Variants in TANC2 observed in about 807,000 individuals in gnomAD.
TANC2 encodes protein TANC2.
TANC2 carries 26 observed loss-of-function variants against 210.5 expected under a neutral mutation model. The observed-to-expected ratio is 0.12, with a 90% CI of 0.09 to 0.17. TANC2 has a LOEUF of 0.17. Ranked by LOEUF, TANC2 falls within the 10% of genes least tolerant of loss-of-function variation. The probability of loss-of-function intolerance (pLI) is 1.00; values close to 1 mark genes in which losing one functional copy is unlikely to be tolerated. For missense variants in TANC2, 2,129 were observed against 2,608.9 expected (o/e 0.82, Z 4.01); for synonymous variants, 931 against 967.1 (o/e 0.96, Z 0.69).
intron 4 of TANC2, among the ~76,000 whole-genome samples, chr17:63,127,171 A>T (rs185443065): frequency 6.6e-6 from 1 of 152,340 alleles, no homozygotes; most frequent in Non-Finnish European, 1.5e-5. Flanking sequence ...TTCTTATGGT[A>T]CTAAATGTCT....
chr17:63,388,582 T>C, intron 15 of TANC2, 53 bp from the exon 16 acceptor site: 1 of 1,557,886 alleles, frequency 6.4e-7, no homozygotes, highest in South Asian at 1.2e-5. Context: ...TCACCACTGA[T>C]GCTACTTTTT....
intron 21 of TANC2, among the ~76,000 whole-genome samples, chr17:63,411,024 G>A (rs146948848): frequency 1.7e-4 from 26 of 152,178 alleles, no homozygotes; most frequent in African/African-American, 6.3e-4. Flanking sequence ...CTTCTTAGAG[G>A]CAGGAGGATG....
chr17:63,216,074 G>A (rs190427057), intron 7 of TANC2, among the ~76,000 whole-genome samples: 2 of 149,990 alleles, frequency 1.3e-5, no homozygotes, highest in South Asian at 2.1e-4. Context: ...TTTGAGACAC[G>A]GTCTTGCTCT....
chr17:63,099,650 G>C (rs2037550459), intron 4 of TANC2, among the ~76,000 whole-genome samples: 1 of 152,132 alleles, frequency 6.6e-6, no homozygotes, highest in African/African-American at 2.4e-5. Context: ...CTGTTGTTCT[G>C]ATTTCATTTA....
intron 1 of TANC2, among the ~76,000 whole-genome samples, chr17:62,974,185 T>G (rs1006469860): frequency 6.6e-6 from 1 of 152,250 alleles, no homozygotes; most frequent in Non-Finnish European, 1.5e-5. Context: ...TTGGCCACTT[T>G]GCTTTTGTAA....
At position 62,986,251 on chromosome 17, in the gene TANC2, A is replaced by T. The variant is rs138176101; in HGVS notation, c.-24+19502A>T. Among the ~76,000 whole-genome samples the T allele has an allele frequency of 7.0e-4, 107 of 152,216 alleles. 1 individual carries two copies. The highest frequency in any genetic ancestry group is 7.0e-3 in the Admixed American group (107 of 15,308). ...TCAGGTTGGAGGTCCCTGTGTGCAC[A>T]TAGTGGGTTGGCTAACTTGGGGCTG... On this transcript the variant is annotated intron_variant, in intron 1 of 27. Coordinates refer to ENST00000689528, the Ensembl canonical transcript of TANC2.
At chr17:63,417,008 A>T (rs919942444) in intron 26 of TANC2, among the ~76,000 whole-genome samples, 3 of 152,246 alleles carry the variant, frequency 2.0e-5, no homozygotes, top group African/African-American at 4.8e-5. Context: ...TAGACTTTTT[A>T]AAAATGCCCT....
chr17:63,371,752 T>C (rs2047276054), intron 14 of TANC2, among the ~76,000 whole-genome samples: 1 of 152,248 alleles, frequency 6.6e-6, no homozygotes, highest in South Asian at 2.1e-4. Context: ...ACAACTGTTA[T>C]CCAACTTCCA....
intron 4 of TANC2, chr17:63,120,643 T>A (rs1237152657): frequency 6.6e-6 from 1 of 151,776 alleles, no homozygotes; most frequent in Non-Finnish European, 1.5e-5. Context: ...TGAAACCCTG[T>A]CTTTACAAAA....
rs558444371 is a variant in TANC2 at position 63,086,147 on chromosome 17, G to A, written c.139+12133G>A. Among the ~76,000 whole-genome samples the A allele has an allele frequency of 4.2e-3, 637 of 151,412 alleles. 5 individuals are homozygous for A. The highest frequency in any genetic ancestry group is 0.015 in the African/African-American group (618 of 41,312). On this transcript the variant is annotated intron_variant, in intron 3 of 27. Transcript: ENST00000689528. ...TGTAGGTAAGGTTTTTTTCCCTCTG[G>A]TTTAAGATGTTTTTGTTTCTCTTTG...
chr17:63,365,857 G>A (rs1208330798), intron 14 of TANC2, among the ~76,000 whole-genome samples: 1 of 151,818 alleles, frequency 6.6e-6, no homozygotes, highest in East Asian at 1.9e-4. Context: ...GTGCCTCCTG[G>A]TTTATCTCTT....
intron 4 of TANC2, among the ~76,000 whole-genome samples, chr17:63,123,275 G>A (rs1281285092): frequency 6.6e-6 from 1 of 151,998 alleles, no homozygotes; most frequent in Non-Finnish European, 1.5e-5. Context: ...GGGGAAATGT[G>A]GGCCAGGCGC....
intron 8 of TANC2, among the ~76,000 whole-genome samples, chr17:63,240,747 A>G (rs2042751202): frequency 6.6e-6 from 1 of 152,168 alleles, no homozygotes; most frequent in South Asian, 2.1e-4. Context: ...GCAACTACCA[A>G]ACTATCTCCA....
chr17:63,300,509 T>G (rs981435643), intron 9 of TANC2, among the ~76,000 whole-genome samples: 2 of 152,170 alleles, frequency 1.3e-5, no homozygotes, highest in African/African-American at 4.8e-5. Context: ...TTAGCTATAT[T>G]CCTAGGTATT....
intron 8 of TANC2, among the ~76,000 whole-genome samples, chr17:63,265,696 A>G (rs1408082985): frequency 1.3e-5 from 2 of 152,166 alleles, no homozygotes; most frequent in Admixed American, 6.6e-5. Flanking sequence ...AAAATTACCC[A>G]TAGGGATTCT....
intron 2 of TANC2, among the ~76,000 whole-genome samples, chr17:63,017,944 C>A (rs1568321001): frequency 6.6e-6 from 1 of 151,776 alleles, no homozygotes; most frequent in East Asian, 2.0e-4. Context: ...AGATTGGAGA[C>A]CAGCCTGGGC....
intron 19 of TANC2, among the ~76,000 whole-genome samples, chr17:63,403,776 C>T (rs994210918): frequency 6.6e-6 from 1 of 152,190 alleles, no homozygotes; most frequent in African/African-American, 2.4e-5. Flanking sequence ...CCACATTTTA[C>T]TTCATAAGTC....
intron 9 of TANC2, among the ~76,000 whole-genome samples, chr17:63,278,146 G>GACCT (rs2043942658): frequency 6.6e-6 from 1 of 152,136 alleles, no homozygotes; most frequent in Non-Finnish European, 1.5e-5. Context: ...ACAGAATGAG[G>GACCT]ACCTGTCTTA....
At chr17:63,332,573 G>T in intron 11 of TANC2, 1 of 309,998 alleles carries the variant, frequency 3.2e-6, no homozygotes, top group Non-Finnish European at 6.3e-6. Context: ...AGGCCCCGCT[G>T]CCTCTACTTC....
Sources: allele counts gnomAD v4.1 joint callset (sites outside exome capture counted in the v4.1 genomes callset), GRCh38; gene constraint gnomAD v4.1.1; transcripts MANE v1.5; gene names NCBI Gene and HGNC (gene_info 2026-07-23, HGNC 2026-07-21).